The following SOS1 variants were observed in gnomAD, a reference collection of about 807,000 sequenced individuals.
SOS1 encodes son of sevenless homolog 1.
A neutral mutation model predicts 157.6 loss-of-function variants in SOS1; 25 were observed. The observed-to-expected ratio is 0.16, with a 90% CI of 0.12 to 0.22. SOS1 has a LOEUF of 0.22. Among genes scored for constraint, SOS1 ranks in the 10% least tolerant of loss-of-function variants. The pLI is 1.00. For synonymous variants in SOS1, 528 were observed against 534.0 expected (o/e 0.99, Z 0.16); for missense variants, 1,237 against 1,599.1 (o/e 0.77, Z 3.86).
At chr2:39,107,556 T>C (rs1402081102) in intron 1 of SOS1, among the ~76,000 whole-genome samples, 1 of 151,588 alleles carries the variant, frequency 6.6e-6, no homozygotes, top group African/African-American at 2.4e-5. Flanking sequence ...CACAAGCATT[T>C]CACCTAACAA....
chr2:38,995,519 A>C (rs1668866138), intron 19 of SOS1, 132 bp from the exon 20 acceptor site: 1 of 697,896 alleles, frequency 1.4e-6, no homozygotes, highest in African/African-American at 1.8e-5. Context: ...ATAATTATTC[A>C]AATAAAAGTA....
rs770012524 is a variant in SOS1, at chr2:38,997,429, G to C, written c.2792-4C>G. 12 of 1,592,306 alleles carry C rather than the reference G, an allele frequency of 7.5e-6. No individual in the cohort carries two copies. In the South Asian group the frequency reaches 1.3e-4, roughly 18 times the overall value. On this transcript the variant is annotated splice_polypyrimidine_tract_variant and splice_region_variant and intron_variant, in intron 17 of 22. Transcript: ENST00000402219. ...AAGATATTAGTGAGATAAATTCCTA[G>C]AAGATATAATGGAATGATTTCAAGG...
At chr2:39,035,524 CATAA>C in intron 6 of SOS1, 24 bp from the exon 7 acceptor site, 1 of 1,487,420 alleles carries the variant, frequency 6.7e-7, no homozygotes, top group Non-Finnish European at 9.4e-7. Context: ...GAAGGTAAAA[CATAA>C]ATAATTTACC....
rs56263073 is a variant in SOS1 at position 39,120,247 on chromosome 2, GC to G, written c.87+88del. The G allele has an allele frequency of 0.02, 23,172 of 1,173,528 alleles. 318 individuals are homozygous for G. Among genetic ancestry groups the G allele is most frequent in the Middle Eastern group, 0.075 (246 of 3,262 alleles). The allele number at this position is 1,173,528 out of a possible 1,614,324, so 72.7% of individuals were successfully genotyped here. On this transcript the variant is annotated intron_variant, in intron 1 of 22. Coordinates refer to ENST00000402219, the MANE Select transcript of SOS1 (RefSeq NM_005633.4). Reference sequence around the variant, plus strand: ...CGCGGCGAGACCGGGAAGAAAGACGGCCCTGCGCGCGCCCCGCCTCCCCAGC... The same window carrying G: ...CGCGGCGAGACCGGGAAGAAAGACGGCCTGCGCGCGCCCCGCCTCCCCAGC...
intron 1 of SOS1, among the ~76,000 whole-genome samples, chr2:39,077,379 T>C (rs924309532): frequency 2.0e-5 from 3 of 151,810 alleles, no homozygotes; most frequent in African/African-American, 7.3e-5. Context: ...CTTTAATGAA[T>C]GACATTTAGA....
chr2:39,002,987 C>T (rs1467520052), intron 17 of SOS1, among the ~76,000 whole-genome samples: 1 of 149,810 alleles, frequency 6.7e-6, no homozygotes, highest in Non-Finnish European at 1.5e-5. Flanking sequence ...ACTGCTTGAG[C>T]CCATGAGGTG....
chr2:39,007,284 A>G (rs1261923439), intron 15 of SOS1, 91 bp from the exon 16 acceptor site: 1 of 860,198 alleles, frequency 1.2e-6, no homozygotes, highest in Non-Finnish European at 2.0e-6. Context: ...TAATGTAGAG[A>G]GTAGGGGGGT....
chr2:39,091,116 G>A (rs7592176), intron 1 of SOS1, among the ~76,000 whole-genome samples: 5,540 of 152,180 alleles, frequency 0.036, 312 homozygotes, highest in African/African-American at 0.12. Context: ...TGATCCACCC[G>A]CCTTGGCCTG....
intron 10 of SOS1, among the ~76,000 whole-genome samples, chr2:39,020,343 C>T (rs562542105): frequency 8.5e-4 from 129 of 151,722 alleles, no homozygotes; most frequent in African/African-American, 3.1e-3. Context: ...AATGTCTAAC[C>T]AAACTATAAT....
intron 1 of SOS1, among the ~76,000 whole-genome samples, chr2:39,074,505 G>T (rs1331460582): frequency 6.6e-6 from 1 of 151,920 alleles, no homozygotes. Flanking sequence ...CAGAGCAAAA[G>T]ACAAAAAAAA....
At chr2:39,059,275 T>C (rs897595042) in intron 2 of SOS1, among the ~76,000 whole-genome samples, 1 of 152,186 alleles carries the variant, frequency 6.6e-6, no homozygotes, top group African/African-American at 2.4e-5. Context: ...TATTTACAAA[T>C]CATGGAAAGC....
chr2:39,060,511 C>G (rs907355755), intron 2 of SOS1, among the ~76,000 whole-genome samples: 2 of 152,176 alleles, frequency 1.3e-5, no homozygotes, highest in Admixed American at 6.5e-5. Context: ...ACTGCGACCA[C>G]CACTCTCAGG....
chr2:39,044,926 T>C lies in SOS1; in HGVS notation c.864+6218A>G, dbSNP rs77545721. On this transcript the variant is annotated intron_variant, in intron 6 of 22. Transcript: ENST00000402219. ...GTGAGGGATTGATTACAGGATCCCA[T>C]GCAGATACCAAAATCTAGGGATGTT... is the stretch of plus-strand genomic sequence containing the variant. Among the ~76,000 whole-genome samples, 606 of 152,214 alleles carry C rather than the reference T, an allele frequency of 4.0e-3. 2 individuals carry two copies. The highest frequency in any genetic ancestry group is 0.012 in the East Asian group (60 of 5,168).
chr2:38,986,009 G>C lies in SOS1; in HGVS notation c.3817C>G (p.Leu1273Val), dbSNP rs377102744. ...TCTTGTGTCAATGGTGGTGATGGCAGATGCCTTCTTGTGCCGTGAGGAGAA... is the reference window on the plus strand; with the variant it reads ...TCTTGTGTCAATGGTGGTGATGGCACATGCCTTCTTGTGCCGTGAGGAGAA... ...TPSPHGTRRH[L>V]PSPPLTQEVD... The change falls in exon 23 of 23, where the codon CTG (leucine) becomes GTG (valine). Residue 1273 changes from leucine (L) to valine (V), a missense_variant. Physicochemically the swap from Leu to Val is conservative, Grantham distance 32. Coordinates refer to ENST00000402219, the MANE Select transcript of SOS1 (RefSeq NM_005633.4). 6.8e-6 allele frequency: 11 copies of C among 1,613,978 alleles called. No homozygotes were observed. The highest frequency in any genetic ancestry group is 6.7e-5 in the East Asian group (3 of 44,870).
chr2:39,105,805 T>A (rs957918807), intron 1 of SOS1, among the ~76,000 whole-genome samples: 2 of 151,266 alleles, frequency 1.3e-5, no homozygotes, highest in Non-Finnish European at 2.9e-5. Flanking sequence ...GAGGCTGAGG[T>A]AGGAGAGTCA....
chr2:39,102,915 A>G (rs187143221), intron 1 of SOS1, among the ~76,000 whole-genome samples: 1 of 152,182 alleles, frequency 6.6e-6, no homozygotes, highest in Non-Finnish European at 1.5e-5. Flanking sequence ...TGATCACGCC[A>G]CTGCACTCCA....
intron 1 of SOS1, among the ~76,000 whole-genome samples, chr2:39,100,117 A>G (rs1393633675): frequency 2.6e-5 from 4 of 152,236 alleles, no homozygotes; most frequent in Non-Finnish European, 5.9e-5. Context: ...CAAAACCACA[A>G]TGAGATATCA....
chr2:39,061,426 C>T (rs1671399896), intron 2 of SOS1, among the ~76,000 whole-genome samples: 1 of 152,052 alleles, frequency 6.6e-6, no homozygotes, highest in African/African-American at 2.4e-5. Flanking sequence ...CTCGATCTAT[C>T]ACCCGAGCTG....
intron 1 of SOS1, among the ~76,000 whole-genome samples, chr2:39,112,065 CCTTCT>C (rs1387866966): frequency 6.6e-6 from 1 of 152,128 alleles, no homozygotes; most frequent in African/African-American, 2.4e-5. Flanking sequence ...CTCCCACTAT[CCTTCT>C]CTTCTAACTC....
Sources: allele counts gnomAD v4.1 joint callset (sites outside exome capture counted in the v4.1 genomes callset), GRCh38; gene constraint gnomAD v4.1.1; transcripts MANE v1.5; gene names NCBI Gene and HGNC (gene_info 2026-07-23, HGNC 2026-07-21).